SOX5: variants seen among roughly 807,000 people sequenced by gnomAD.
SOX5 encodes the protein SRY-box transcription factor 5, also known as transcription factor SOX-5.
In SOX5, 9 loss-of-function variants were observed where a neutral mutation model predicts 92.0. The ratio of observed to expected loss-of-function variants is 0.10; its 90% CI spans 0.06 to 0.17. SOX5 has a LOEUF of 0.17. SOX5 is among the 10% of genes least tolerant of loss of function. The pLI, the probability that SOX5 is intolerant of heterozygous loss-of-function variation, is 1.00. For synonymous variants in SOX5, 344 were observed against 336.3 expected (o/e 1.02, Z -0.25); for missense variants, 642 against 944.5 (o/e 0.68, Z 4.20).
chr12:23,824,018 AC>A (rs1568080691), intron 3 of SOX5, among the ~76,000 whole-genome samples: 1 of 151,964 alleles, frequency 6.6e-6, no homozygotes, highest in Non-Finnish European at 1.5e-5. Flanking sequence ...AATTTGTCTA[AC>A]CTTTTTTCAA....
chr12:23,777,038 C>G (rs2095125773), intron 3 of SOX5, among the ~76,000 whole-genome samples: 1 of 152,178 alleles, frequency 6.6e-6, no homozygotes, highest in African/African-American at 2.4e-5. Context: ...TTCCTCCCCA[C>G]TAGAACACAA....
chr12:24,283,028 A>T (rs1945403413), intron 2 of SOX5, among the ~76,000 whole-genome samples: 1 of 152,244 alleles, frequency 6.6e-6, no homozygotes, highest in Admixed American at 6.5e-5. Context: ...ATAAATATTA[A>T]CTTGTATGTT....
At chr12:23,992,612 T>C (rs1054085909) in intron 4 of SOX5, among the ~76,000 whole-genome samples, 1 of 152,178 alleles carries the variant, frequency 6.6e-6, no homozygotes, top group Non-Finnish European at 1.5e-5. Flanking sequence ...GTTTTGTACA[T>C]TGTCAAGAAA....
At chr12:24,303,094 A>G (rs963338201) in intron 2 of SOX5, among the ~76,000 whole-genome samples, 1 of 152,194 alleles carries the variant, frequency 6.6e-6, no homozygotes, top group African/African-American at 2.4e-5. Flanking sequence ...TTTTTATACC[A>G]TTAGAGAAAG....
At chr12:24,499,255 A>G (rs1285584617) in intron 1 of SOX5, among the ~76,000 whole-genome samples, 1 of 152,204 alleles carries the variant, frequency 6.6e-6, no homozygotes, top group Non-Finnish European at 1.5e-5. Context: ...GCCTGGCGCT[A>G]AGAATATTTC....
rs76772291 is a variant in SOX5, at chr12:23,546,136, C to T, written c.1597+180G>A. 1.7e-3 allele frequency among the ~76,000 whole-genome samples: 255 copies of T among 152,176 alleles called. 1 individual carries two copies. The highest frequency in any genetic ancestry group is 2.7e-3 in the Non-Finnish European group (185 of 68,002). On this transcript the variant is annotated intron_variant, in intron 12 of 14. Transcript: ENST00000451604. ...TAGGTTGACTAGGAATTAAATGAGACGATTTCTGCAAAGCACTCAGCAGAG... is the reference window on the plus strand; with the variant it reads ...TAGGTTGACTAGGAATTAAATGAGATGATTTCTGCAAAGCACTCAGCAGAG...
chr12:24,373,529 TCAC>T (rs752774512), intron 1 of SOX5, among the ~76,000 whole-genome samples: 2 of 152,198 alleles, frequency 1.3e-5, no homozygotes, highest in African/African-American at 2.4e-5. Flanking sequence ...TGTATTTTTA[TCAC>T]CACAATAAAT....
In SOX5 at chr12:24,018,294, T is replaced by A. The variant is rs566438766; in HGVS notation, c.-1-122270A>T. Among the ~76,000 whole-genome samples, 10 of 152,356 alleles carry A rather than the reference T, an allele frequency of 6.6e-5. No individual in the cohort carries two copies. The South Asian group carries it at 2.1e-3, about 32-fold the overall frequency. On this transcript the variant is annotated intron_variant, in intron 4 of 4. Coordinates refer to the SOX5 transcript ENST00000446891. ...TGCTGTTTTATCATTTGCTTAGATT[T>A]TTTTTACCTGCAATTTTCTACGTAT... is the stretch of plus-strand genomic sequence containing the variant.
At chr12:24,102,639 C>A (rs1242239380) in intron 4 of SOX5, among the ~76,000 whole-genome samples, 2 of 152,232 alleles carry the variant, frequency 1.3e-5, no homozygotes, top group South Asian at 2.1e-4. Flanking sequence ...AAGAACTTTC[C>A]AGGGCACTAC....
At chr12:24,248,402 T>G (rs560427051) in intron 3 of SOX5, among the ~76,000 whole-genome samples, 1 of 152,308 alleles carries the variant, frequency 6.6e-6, no homozygotes, top group South Asian at 2.1e-4. Flanking sequence ...ACAAGACGTG[T>G]CTTTCTTTTC....
At chr12:23,884,556 T>C (rs764369054) in intron 2 of SOX5, among the ~76,000 whole-genome samples, 1 of 152,194 alleles carries the variant, frequency 6.6e-6, no homozygotes. Context: ...CAAGTAAAGA[T>C]TGTTCTACCT....
chr12:23,833,495 TTGAAGAGAATTATTATCTA>T (rs1181614391), intron 3 of SOX5, among the ~76,000 whole-genome samples: 6 of 151,992 alleles, frequency 3.9e-5, no homozygotes, highest in Non-Finnish European at 8.8e-5. Context: ...CCTATAGCAA[TTGAAGAGAATTATTATCTA>T]TGGCCACTAA....
Position 23,999,540 on chromosome 12 carries a change from T to C in SOX5, c.-1-103516A>G, listed in dbSNP as rs529598360. ...TGGTAATCATTTCATAATGTATACA[T>C]ATATCAAAAATCACACTGTACACCT... On this transcript the variant is annotated intron_variant, in intron 4 of 4. Coordinates refer to the SOX5 transcript ENST00000446891. 2.2e-4 allele frequency among the ~76,000 whole-genome samples: 33 copies of C among 152,226 alleles called. 1 individual carries two copies. In the South Asian group the frequency reaches 6.8e-3, roughly 32 times the overall value.
intron 1 of SOX5, among the ~76,000 whole-genome samples, chr12:23,912,695 T>G (rs1332585399): frequency 6.6e-6 from 1 of 152,184 alleles, no homozygotes; most frequent in South Asian, 2.1e-4. Flanking sequence ...ACAAAACTGA[T>G]GAACCTTGAA....
In SOX5 at chr12:23,645,320, T is replaced by C. The variant is rs2080689244; in HGVS notation, c.932-4423A>G. 3.9e-5 allele frequency among the ~76,000 whole-genome samples: 6 copies of C among 152,116 alleles called. No individual in the cohort carries two copies. The South Asian group carries it at 1.2e-3, about 31-fold the overall frequency. On this transcript the variant is annotated intron_variant, in intron 7 of 14. Coordinates refer to ENST00000451604, the MANE Select transcript of SOX5 (RefSeq NM_006940.6). ...AGGAGTATGACATGCTAAAGGAATG[T>C]AGAGAAGAAACAGTTTAAATAACAG...
intron 4 of SOX5, among the ~76,000 whole-genome samples, chr12:24,140,763 G>GA (rs1950514434): frequency 6.6e-6 from 1 of 152,080 alleles, no homozygotes; most frequent in South Asian, 2.1e-4. Context: ...CCGTTCAATA[G>GA]AAAGTCAGAA....
chr12:24,426,049 T>TA (rs1215115914), intron 1 of SOX5, among the ~76,000 whole-genome samples: 2 of 152,008 alleles, frequency 1.3e-5, no homozygotes, highest in African/African-American at 4.8e-5. Context: ...AAGTCATCAT[T>TA]ATAGACAAGG....
intron 4 of SOX5, among the ~76,000 whole-genome samples, chr12:24,093,611 T>C (rs905395500): frequency 3.3e-5 from 5 of 151,976 alleles, no homozygotes; most frequent in African/African-American, 1.2e-4. Flanking sequence ...AGAAATATTT[T>C]ATATTGATCT....
At chr12:24,477,392 C>T (rs1945514529) in intron 1 of SOX5, among the ~76,000 whole-genome samples, 1 of 152,054 alleles carries the variant, frequency 6.6e-6, no homozygotes, top group African/African-American at 2.4e-5. Flanking sequence ...CCTCGGCCTC[C>T]CAAAGTGCTG....
Sources: allele counts gnomAD v4.1 joint callset (sites outside exome capture counted in the v4.1 genomes callset), GRCh38; gene constraint gnomAD v4.1.1; transcripts MANE v1.5; gene names NCBI Gene and HGNC (gene_info 2026-07-23, HGNC 2026-07-21).